The following MCU variants were observed in gnomAD, a reference collection of about 807,000 sequenced individuals.
MCU encodes mitochondrial calcium uniporter, also known as calcium uniporter protein, mitochondrial.
MCU carries 12 observed loss-of-function variants against 45.2 expected under a neutral mutation model. The observed-to-expected ratio is 0.27, with a 90% CI of 0.17 to 0.43. The LOEUF (loss-of-function observed/expected upper bound fraction) is 0.43. Among genes scored for constraint, MCU ranks in the 20% least tolerant of loss-of-function variants. MCU has a pLI of 1.00. For synonymous variants in MCU, 160 were observed against 165.1 expected (o/e 0.97, Z 0.24); for missense variants, 324 against 436.7 (o/e 0.74, Z 2.30).
At chr10:72,695,479 C>G (rs1342826004) in intron 1 of MCU, among the ~76,000 whole-genome samples, 4 of 152,136 alleles carry the variant, frequency 2.6e-5, no homozygotes, top group Non-Finnish European at 5.9e-5. Flanking sequence ...CTGCACTGTC[C>G]CATACATTCA....
chr10:72,827,687 A>G (rs1844818432), intron 1 of MCU, among the ~76,000 whole-genome samples: 1 of 152,188 alleles, frequency 6.6e-6, no homozygotes, highest in Non-Finnish European at 1.5e-5. Flanking sequence ...TCTGTAGAAT[A>G]TTAGTCATTC....
chr10:72,847,018 C>T (rs758689707), intron 2 of MCU, among the ~76,000 whole-genome samples: 1 of 152,224 alleles, frequency 6.6e-6, no homozygotes, highest in Non-Finnish European at 1.5e-5. Context: ...GTCGCCCGGG[C>T]TGGAGTGCAG....
At chr10:72,778,140 G>A (rs1011328136) in intron 1 of MCU, among the ~76,000 whole-genome samples, 1 of 152,090 alleles carries the variant, frequency 6.6e-6, no homozygotes, top group African/African-American at 2.4e-5. Context: ...ACTAAAAATA[G>A]AGCTGCCATA....
chr10:72,879,483 A>T (rs1312783632), intron 6 of MCU, among the ~76,000 whole-genome samples: 2 of 152,234 alleles, frequency 1.3e-5, no homozygotes, highest in African/African-American at 4.8e-5. Flanking sequence ...AATAACTGTC[A>T]TCTTAGACTT....
intron 1 of MCU, among the ~76,000 whole-genome samples, chr10:72,723,599 G>GA (rs371395771): frequency 3.3e-5 from 5 of 151,914 alleles, no homozygotes; most frequent in African/African-American, 7.3e-5. Context: ...ACTCAAAGAA[G>GA]AAAAAAACCC....
chr10:72,769,910 C>G (rs887677201), intron 1 of MCU, among the ~76,000 whole-genome samples: 10 of 152,132 alleles, frequency 6.6e-5, no homozygotes, highest in Admixed American at 5.9e-4. Context: ...GATGTGAGAT[C>G]TTTTAAAATA....
chr10:72,735,088 A>T (rs924030400), intron 1 of MCU, among the ~76,000 whole-genome samples: 1 of 145,536 alleles, frequency 6.9e-6, no homozygotes, highest in Non-Finnish European at 1.5e-5. Flanking sequence ...AAAAAAAAAA[A>T]TTCGTCTGTG....
intron 1 of MCU, among the ~76,000 whole-genome samples, chr10:72,763,973 G>A (rs2132726335): frequency 6.6e-6 from 1 of 152,126 alleles, no homozygotes; most frequent in East Asian, 1.9e-4. Context: ...CTTGATTAAA[G>A]TCAGCCTAAA....
intron 1 of MCU, among the ~76,000 whole-genome samples, chr10:72,720,786 A>G (rs1843010978): frequency 6.6e-6 from 1 of 152,216 alleles, no homozygotes; most frequent in Non-Finnish European, 1.5e-5. Context: ...TGTTCAACAA[A>G]TGTATATGTT....
chr10:72,714,343 G>GTTTTTTT (rs1479850646), intron 1 of MCU, among the ~76,000 whole-genome samples: 2 of 49,488 alleles, frequency 4.0e-5, no homozygotes, highest in African/African-American at 1.5e-4. Context: ...CCCCGCCCTG[G>GTTTTTTT]TCTTTTTTTT....
rs567712234 is a variant in MCU at position 72,734,683 on chromosome 10, G to T, written c.150+42382G>T. The stretch of plus-strand genomic sequence containing the variant: ...GGCTGGAGCTTGGTGGCCTGATCAT[G>T]GCTCACCGCAGCCTTGACCTCCCAG... On this transcript the variant is annotated intron_variant, in intron 1 of 7. Coordinates refer to ENST00000373053, the MANE Select transcript of MCU (RefSeq NM_138357.3). 3.3e-5 allele frequency among the ~76,000 whole-genome samples: 5 copies of T among 152,108 alleles called. No individual in the cohort carries two copies. The South Asian group carries it at 1.0e-3, about 32-fold the overall frequency.
At chr10:72,826,081 A>G (rs762319752) in intron 1 of MCU, among the ~76,000 whole-genome samples, 2 of 124,618 alleles carry the variant, frequency 1.6e-5, no homozygotes, top group African/African-American at 3.1e-5. Context: ...TGCGTGAACT[A>G]TGGTAGTGCT....
In MCU at chr10:72,845,808, T is replaced by G. The variant is rs376653483; in HGVS notation, c.220+11380T>G. ...GAGTGTTTTTTTCTTTTTTTAAAATTTACCACTTCCTTATATATAGGAGTT... is the reference window on the plus strand; with the variant it reads ...GAGTGTTTTTTTCTTTTTTTAAAATGTACCACTTCCTTATATATAGGAGTT... On this transcript the variant is annotated intron_variant, in intron 2 of 7. Transcript: ENST00000373053. 5.9e-3 allele frequency among the ~76,000 whole-genome samples: 905 copies of G among 152,296 alleles called. 12 individuals carry two copies. Among genetic ancestry groups the G allele is most frequent in the African/African-American group, 0.021 (853 of 41,558 alleles).
intron 6 of MCU, among the ~76,000 whole-genome samples, chr10:72,877,687 A>G (rs1158836743): frequency 6.6e-6 from 1 of 152,154 alleles, no homozygotes; most frequent in African/African-American, 2.4e-5. Flanking sequence ...AAATAAGAGG[A>G]GTCCCAGGAA....
At chr10:72,692,665 A>T (rs1460536788) in intron 1 of MCU, 1 of 1,191,514 alleles carries the variant, frequency 8.4e-7, no homozygotes, top group East Asian at 4.3e-5. Flanking sequence ...ACGGAGCCAG[A>T]TGGAAGTTGT....
chr10:72,877,875 T>C (rs1845640165), intron 6 of MCU, among the ~76,000 whole-genome samples: 1 of 152,122 alleles, frequency 6.6e-6, no homozygotes, highest in Non-Finnish European at 1.5e-5. Flanking sequence ...TGCTTTGATT[T>C]GGAACCTGTA....
At chr10:72,717,340 A>C (rs1367316254) in intron 1 of MCU, among the ~76,000 whole-genome samples, 2 of 151,556 alleles carry the variant, frequency 1.3e-5, no homozygotes, top group African/African-American at 2.4e-5. Context: ...GCTCACTGCA[A>C]CCTCTACCTC....
rs530791909 is a variant in MCU, at chr10:72,809,471, A to C, written c.151-24888A>C. ...GCTGGGAGTACAAAGTGAAGACTCT[A>C]AAATGGCTATGGGTCTTAAAGCCTG... On this transcript the variant is annotated intron_variant, in intron 1 of 7. Coordinates refer to ENST00000373053, the MANE Select transcript of MCU (RefSeq NM_138357.3). 7.2e-5 allele frequency among the ~76,000 whole-genome samples: 11 copies of C among 152,344 alleles called. 1 individual carries two copies. In the South Asian group the frequency reaches 2.3e-3, roughly 32 times the overall value.
intron 1 of MCU, among the ~76,000 whole-genome samples, chr10:72,729,516 A>C (rs1358347881): frequency 6.6e-6 from 1 of 152,240 alleles, no homozygotes; most frequent in Non-Finnish European, 1.5e-5. Flanking sequence ...TTTAAAAAAG[A>C]AACCAGTCCC....
Sources: gnomAD v4.1 joint callset for allele counts (sites outside exome capture counted in the v4.1 genomes callset) on GRCh38, gnomAD v4.1.1 for gene constraint, MANE v1.5 for transcripts, NCBI Gene and HGNC (gene_info 2026-07-23, HGNC 2026-07-21) for gene names.